The following SYCP1 variants were observed in gnomAD, a reference collection of about 807,000 sequenced individuals.
The protein encoded by SYCP1 is cancer/testis antigen 8.
A neutral mutation model predicts 153.1 loss-of-function variants in SYCP1; 64 were observed. That is an observed-to-expected ratio of 0.42 (90% CI 0.34 to 0.51). The LOEUF (loss-of-function observed/expected upper bound fraction) is 0.51, where lower values mean the gene tolerates loss of function less well. SYCP1 is among the 20% of genes least tolerant of loss of function. SYCP1 has a pLI of 0.06. For synonymous variants in SYCP1, 384 were observed against 341.8 expected, an observed-to-expected ratio of 1.12 and a Z score of -1.36; for missense variants, 997 against 1,049.0, an observed-to-expected ratio of 0.95 and a Z score of 0.68.
chr1:114,977,530 C>T, intron 27 of SYCP1, 27 bp from the exon 28 acceptor site: 1 of 1,293,606 alleles, frequency 7.7e-7, no homozygotes, highest in Non-Finnish European at 1.1e-6. Flanking sequence ...GTTTATGTTA[C>T]TTGTACTTGA....
intron 22 of SYCP1, 76 bp from the exon 23 acceptor site, chr1:114,926,425 A>T: frequency 6.7e-7 from 1 of 1,491,276 alleles, no homozygotes; most frequent in Admixed American, 2.3e-5. Context: ...TTCCTTTAGT[A>T]ATTTAAGTCT....
chr1:114,953,895 T>C (rs1671265444), intron 27 of SYCP1, among the ~76,000 whole-genome samples: 1 of 152,238 alleles, frequency 6.6e-6, no homozygotes, highest in Non-Finnish European at 1.5e-5. Flanking sequence ...ATCTTTACTT[T>C]GTTGAGTTTT....
chr1:114,979,484 G>T (rs998535545), intron 28 of SYCP1, among the ~76,000 whole-genome samples: 1 of 151,644 alleles, frequency 6.6e-6, no homozygotes, highest in African/African-American at 2.4e-5. Context: ...TCCAGATATG[G>T]CCACAAGGTG....
chr1:114,889,900 A>G (rs1173323975), intron 15 of SYCP1, among the ~76,000 whole-genome samples: 1 of 151,968 alleles, frequency 6.6e-6, no homozygotes, highest in African/African-American at 2.4e-5. Flanking sequence ...TATTTTCTTT[A>G]GAATTGTTTA....
Position 114,910,501 on chromosome 1 carries a change from G to T in SYCP1, c.1425G>T (p.Glu475Asp). 1 of 1,533,164 alleles carries T rather than the reference G, an allele frequency of 6.5e-7. No individual in the cohort carries two copies. The highest frequency in any genetic ancestry group is 8.8e-7 in the Non-Finnish European group (1 of 1,142,000). 95.0% of individuals were successfully genotyped at this position (1,533,164 alleles called of 1,614,324 possible). A position where few individuals can be genotyped will look rare whatever the true frequency, so the allele number is the denominator to read the frequency against. The part of the protein sequence containing the change: ...QELIGLLQAR[E>D]KEVHDLEIQL... Reference sequence around the variant, plus strand: ...TAATTGGTCTTCTCCAAGCCAGAGAGGTTTGTTTAAGGAAACATTTTTATT... The same window carrying T: ...TAATTGGTCTTCTCCAAGCCAGAGATGTTTGTTTAAGGAAACATTTTTATT... The change falls in exon 17 of 32, where the codon GAG becomes GAT. Residue 475 changes from glutamate (E) to aspartate (D), a missense_variant and splice_region_variant. Coordinates refer to ENST00000369522, the MANE Select transcript of SYCP1 (RefSeq NM_003176.4).
At chr1:114,994,125 G>A (rs1238445504) in intron 30 of SYCP1, among the ~76,000 whole-genome samples, 1 of 151,196 alleles carries the variant, frequency 6.6e-6, no homozygotes, top group Non-Finnish European at 1.5e-5. Context: ...TTCATCCACG[G>A]ATGGATACTT....
intron 23 of SYCP1, among the ~76,000 whole-genome samples, chr1:114,934,381 G>A (rs1669844034): frequency 1.3e-5 from 2 of 152,176 alleles, no homozygotes; most frequent in Middle Eastern, 6.8e-3. Flanking sequence ...TCACCACCAG[G>A]CCTGCCTTAC....
rs777217718 is a variant in SYCP1, at chr1:114,984,730, T to C, written c.2565T>C (p.Tyr855=). The C allele has an allele frequency of 2.7e-6, 4 of 1,463,140 alleles. No individual in the cohort carries two copies. The South Asian group carries it at 6.4e-5, about 23-fold the overall frequency. 90.6% of individuals were successfully genotyped at this position (1,463,140 alleles called of 1,614,324 possible). ...GGTTTTTTATTTTTGGATAGGCATA[T>C]ACAGTGAAGACACCAACAAAACCAA... ...NTLSTPLPKA[Y]TVKTPTKPKL... Residue 855 remains tyrosine, a synonymous_variant, in exon 30 of 32, where the codon TAT becomes TAC. Transcript: ENST00000369522.
intron 30 of SYCP1, among the ~76,000 whole-genome samples, chr1:114,991,710 A>T (rs1673934026): frequency 6.6e-6 from 1 of 151,820 alleles, no homozygotes. Flanking sequence ...CTCAATGGTG[A>T]AAGACTGAAA....
chr1:114,897,558 T>C (rs902205187), intron 16 of SYCP1, among the ~76,000 whole-genome samples: 3 of 152,048 alleles, frequency 2.0e-5, no homozygotes, highest in African/African-American at 7.2e-5. Context: ...CAGTTTAAGG[T>C]TTGAGAAATT....
intron 23 of SYCP1, among the ~76,000 whole-genome samples, chr1:114,935,117 C>T (rs2101779704): frequency 6.6e-6 from 1 of 152,256 alleles, no homozygotes; most frequent in East Asian, 1.9e-4. Flanking sequence ...ATTTTCAGCA[C>T]CACACAACAC....
At chr1:114,975,412 A>T (rs1672745395) in intron 27 of SYCP1, among the ~76,000 whole-genome samples, 1 of 150,638 alleles carries the variant, frequency 6.6e-6, no homozygotes, top group African/African-American at 2.4e-5. Context: ...TAGTTTATTG[A>T]TTACCTTTAT....
intron 14 of SYCP1, 123 bp downstream of exon 14, chr1:114,886,432 A>C: frequency 1.3e-6 from 1 of 779,356 alleles, no homozygotes; most frequent in African/African-American, 1.8e-5. Context: ...AACTGTAGTC[A>C]GGTCTCATGT....
At chr1:114,953,403 A>G (rs1671234257) in intron 27 of SYCP1, among the ~76,000 whole-genome samples, 1 of 152,226 alleles carries the variant, frequency 6.6e-6, no homozygotes, top group Non-Finnish European at 1.5e-5. Context: ...CCTAGATCCC[A>G]AAGACTTTGG....
chr1:114,927,380 A>G (rs1200317354), intron 23 of SYCP1, among the ~76,000 whole-genome samples: 1 of 151,948 alleles, frequency 6.6e-6, no homozygotes, highest in Non-Finnish European at 1.5e-5. Flanking sequence ...AACCAATAGT[A>G]TAAAAATCAG....
chr1:114,988,608 C>T (rs999188713), intron 30 of SYCP1, among the ~76,000 whole-genome samples: 4 of 151,854 alleles, frequency 2.6e-5, no homozygotes, highest in African/African-American at 9.7e-5. Context: ...TCCAGATAAA[C>T]AAAAGCCATA....
intron 6 of SYCP1, 100 bp downstream of exon 6, chr1:114,858,811 T>C (rs868327252): frequency 9.7e-7 from 1 of 1,034,494 alleles, no homozygotes; most frequent in Middle Eastern, 3.3e-4. Context: ...TGATCTTGTT[T>C]TTGTGATGAA....
intron 16 of SYCP1, among the ~76,000 whole-genome samples, chr1:114,899,826 T>A (rs1053090282): frequency 6.6e-6 from 1 of 152,214 alleles, no homozygotes; most frequent in African/African-American, 2.4e-5. Flanking sequence ...ATAATCCTGT[T>A]TACCTCTTTT....
chr1:114,946,449 A>C (rs1670714640), intron 26 of SYCP1, 68 bp downstream of exon 26: 1 of 958,448 alleles, frequency 1.0e-6, no homozygotes. Context: ...GTGGTAAAGA[A>C]TAATATTAAG....
Sources: gnomAD v4.1 joint callset for allele counts (sites outside exome capture counted in the v4.1 genomes callset) on GRCh38, gnomAD v4.1.1 for gene constraint, MANE v1.5 for transcripts, NCBI Gene and HGNC (gene_info 2026-07-23, HGNC 2026-07-21) for gene names.